Variants in NCOR2 observed in about 807,000 individuals in gnomAD.
NCOR2 encodes the protein nuclear receptor corepressor 2.
In NCOR2, 81 loss-of-function variants were observed where a neutral mutation model predicts 262.9. That is an observed-to-expected ratio of 0.31 (90% CI 0.26 to 0.37). The LOEUF (loss-of-function observed/expected upper bound fraction) is 0.37. Ranked by LOEUF, NCOR2 falls within the 10% of genes least tolerant of loss-of-function variation. The pLI is 1.00. For missense variants in NCOR2, 3,385 were observed against 3,621.4 expected (o/e 0.93, Z 1.68); for synonymous variants, 1,659 against 1,559.3 (o/e 1.06, Z -1.51).
chr12:124,413,516 G>T (rs1035851957), intron 13 of NCOR2, among the ~76,000 whole-genome samples: 1 of 152,170 alleles, frequency 6.6e-6, no homozygotes, highest in African/African-American at 2.4e-5. Context: ...AGGCAGGAAG[G>T]CCCCTGCGAG....
At chr12:124,413,043 G>A (rs565466162) in intron 13 of NCOR2, among the ~76,000 whole-genome samples, 1 of 152,314 alleles carries the variant, frequency 6.6e-6, no homozygotes, top group South Asian at 2.1e-4. Flanking sequence ...AGTGTCCCTG[G>A]AGTCACTTCT....
intron 37 of NCOR2, among the ~76,000 whole-genome samples, chr12:124,339,005 C>T (rs528915237): frequency 1.9e-3 from 279 of 143,486 alleles, no homozygotes; most frequent in African/African-American, 6.7e-3. Context: ...CCCAGCTAAG[C>T]CAGCGTCTAT....
chr12:124,430,109 G>C (rs1450035128), intron 9 of NCOR2, among the ~76,000 whole-genome samples: 1 of 152,222 alleles, frequency 6.6e-6, no homozygotes, highest in African/African-American at 2.4e-5. Context: ...ATGAGACATG[G>C]CTTGTGACTT....
intron 27 of NCOR2, among the ~76,000 whole-genome samples, chr12:124,352,506 G>A (rs114778451): frequency 0.011 from 1,691 of 152,184 alleles, 34 homozygotes; most frequent in African/African-American, 0.039. Context: ...CCAAGTAGCT[G>A]AGACTACAGG....
chr12:124,510,238 C>T (rs2049316740), intron 1 of NCOR2, among the ~76,000 whole-genome samples: 1 of 152,236 alleles, frequency 6.6e-6, no homozygotes, highest in African/African-American at 2.4e-5. Context: ...TCCGCTTCTC[C>T]TCCCGACCTC....
chr12:124,325,384 C>CACT (rs1555297262), exon 47 of NCOR2: 1 of 486,256 alleles, frequency 2.1e-6, no homozygotes, highest in Non-Finnish European at 3.1e-6. Flanking sequence ...ACCGCCCCCC[C>CACT]CCCCGCCCTG....
chr12:124,368,268 G>A (rs931168381), intron 20 of NCOR2, among the ~76,000 whole-genome samples: 8 of 152,184 alleles, frequency 5.3e-5, no homozygotes, highest in Non-Finnish European at 1.2e-4. Flanking sequence ...CATGAAGGCC[G>A]GTTGGGGGGC....
intron 5 of NCOR2, 87 bp downstream of exon 7, chr12:124,466,086 A>C: frequency 7.8e-7 from 1 of 1,290,246 alleles, no homozygotes. Context: ...ACATAGATGG[A>C]AACACTGAGG....
chr12:124,326,293 C>T, exon 46 of NCOR2: 1 of 1,567,486 alleles, frequency 6.4e-7, no homozygotes, highest in Admixed American at 1.9e-5. Context: ...GGCCGGTCCC[C>T]AGATGCCAGG....
intron 22 of NCOR2, 181 bp from the exon 25 acceptor site, chr12:124,356,963 T>G: frequency 1.5e-6 from 1 of 682,844 alleles, no homozygotes; most frequent in Non-Finnish European, 2.2e-6. Context: ...TGTAACCCCA[T>G]GGTATTCTGC....
intron 20 of NCOR2, 22 bp downstream of exon 22, chr12:124,372,000 G>C: frequency 6.4e-7 from 1 of 1,564,540 alleles, no homozygotes; most frequent in East Asian, 2.3e-5. Context: ...GCCAAGGTTA[G>C]GGCTGCCTGG....
In NCOR2 at chr12:124,434,594, C is replaced by T. The variant is rs139193018; in HGVS notation, c.882+3336G>A. 3.6e-3 allele frequency among the ~76,000 whole-genome samples: 542 copies of T among 152,230 alleles called. 6 individuals are homozygous for T. Among genetic ancestry groups the T allele is most frequent in the African/African-American group, 0.012 (501 of 41,534 alleles). Reference sequence around the variant, plus strand: ...CCTGAGCTCCTTCCAGCAGCTGCAGCGATCCTTTTAAATGGAAATCAGATC... The same window carrying T: ...CCTGAGCTCCTTCCAGCAGCTGCAGTGATCCTTTTAAATGGAAATCAGATC... On this transcript the variant is annotated intron_variant, in intron 8 of 46. Coordinates refer to ENST00000405201, the Ensembl canonical transcript of NCOR2.
exon 39 of NCOR2, chr12:124,335,621 T>C: frequency 6.2e-7 from 1 of 1,602,376 alleles, no homozygotes; most frequent in South Asian, 1.1e-5. Context: ...CTGTAGCTGC[T>C]GCCGTGGTAA....
At chr12:124,324,548 G>A (rs1212875415) in exon 47 of NCOR2, 1 of 152,298 alleles carries the variant, frequency 6.6e-6, no homozygotes, top group Admixed American at 6.5e-5. Context: ...GGACACAGCG[G>A]GGCGTGAGCC....
At chr12:124,484,387 G>A (rs909266776) in intron 2 of NCOR2, among the ~76,000 whole-genome samples, 4 of 152,114 alleles carry the variant, frequency 2.6e-5, no homozygotes, top group Admixed American at 1.3e-4. Flanking sequence ...ACCCTCCTCC[G>A]CAGTGTGCCT....
At chr12:124,423,857 C>T (rs1325574301) in intron 11 of NCOR2, among the ~76,000 whole-genome samples, 1 of 152,222 alleles carries the variant, frequency 6.6e-6, no homozygotes, top group African/African-American at 2.4e-5. Flanking sequence ...TCGCTATACC[C>T]ATTTTACAGA....
At chr12:124,376,724 G>C (rs907456040) in intron 18 of NCOR2, among the ~76,000 whole-genome samples, 4 of 152,234 alleles carry the variant, frequency 2.6e-5, no homozygotes, top group Non-Finnish European at 5.9e-5. Context: ...GGATTTATCT[G>C]CAGGCTGGGC....
intron 16 of NCOR2, among the ~76,000 whole-genome samples, chr12:124,388,010 G>A (rs1305666557): frequency 6.6e-6 from 1 of 151,908 alleles, no homozygotes; most frequent in Non-Finnish European, 1.5e-5. Flanking sequence ...GAGCCTGGCT[G>A]GGGGCTGGGG....
intron 23 of NCOR2, among the ~76,000 whole-genome samples, 185 bp downstream of exon 25, chr12:124,356,457 A>C (rs1593189492): frequency 6.6e-6 from 1 of 152,156 alleles, no homozygotes; most frequent in Non-Finnish European, 1.5e-5. Flanking sequence ...AGTGGCTTCC[A>C]TCTCAACCCT....
Sources: allele counts gnomAD v4.1 joint callset (sites outside exome capture counted in the v4.1 genomes callset), GRCh38; gene constraint gnomAD v4.1.1; transcripts MANE v1.5; gene names NCBI Gene and HGNC (gene_info 2026-07-23, HGNC 2026-07-21).